The following HSF5 variants were observed in gnomAD, a reference collection of about 807,000 sequenced individuals.
The protein encoded by HSF5 is heat shock transcription factor 5, also known as heat shock factor protein 5.
Under a neutral mutation model 50.8 loss-of-function variants are expected in HSF5, and 5 were observed. The observed-to-expected ratio is 0.10, with a 90% CI of 0.05 to 0.21. The LOEUF (loss-of-function observed/expected upper bound fraction) is 0.21, where lower values mean the gene tolerates loss of function less well. Ranked by LOEUF, HSF5 falls within the 10% of genes least tolerant of loss-of-function variation. The probability of loss-of-function intolerance (pLI) is 1.00; values close to 1 mark genes in which losing one functional copy is unlikely to be tolerated. For missense variants in HSF5, 564 were observed against 762.6 expected, an observed-to-expected ratio of 0.74 and a Z score of 3.07; for synonymous variants, 307 against 307.4, an observed-to-expected ratio of 1.00 and a Z score of 0.02.
intron 5 of HSF5, among the ~76,000 whole-genome samples, chr17:58,424,627 A>G (rs1974269736): frequency 1.3e-5 from 2 of 151,206 alleles, no homozygotes; most frequent in South Asian, 4.2e-4. Flanking sequence ...AAAAAAAAAA[A>G]AGGAGGAAGA....
At chr17:58,424,529 T>C (rs1220497848) in intron 5 of HSF5, among the ~76,000 whole-genome samples, 2 of 151,726 alleles carry the variant, frequency 1.3e-5, no homozygotes, top group Non-Finnish European at 2.9e-5. Flanking sequence ...GGAGAATTGT[T>C]TGAACCCGGG....
At chr17:58,476,222 CTA>C (rs2143800144) in intron 2 of HSF5, 2 of 901,712 alleles carry the variant, frequency 2.2e-6, no homozygotes, top group South Asian at 1.4e-5. Context: ...TCAATATCTT[CTA>C]ATCCTTCCTT....
chr17:58,476,375 A>G, intron 2 of HSF5: 1 of 1,056,874 alleles, frequency 9.5e-7, no homozygotes. Flanking sequence ...TCAGTAAATC[A>G]GGTAAAGAAG....
intron 5 of HSF5, among the ~76,000 whole-genome samples, chr17:58,451,599 C>T (rs528966026): frequency 8.6e-5 from 13 of 151,856 alleles, no homozygotes; most frequent in South Asian, 2.1e-4. Context: ...AATGGATCTA[C>T]GAAGAAATTA....
chr17:58,441,156 C>G (rs551733267), intron 5 of HSF5, among the ~76,000 whole-genome samples: 1 of 152,220 alleles, frequency 6.6e-6, no homozygotes, highest in Non-Finnish European at 1.5e-5. Flanking sequence ...AAAATGTATT[C>G]TCTGACCACA....
At chr17:58,448,147 A>AAT (rs1974586255) in intron 5 of HSF5, among the ~76,000 whole-genome samples, 1 of 151,270 alleles carries the variant, frequency 6.6e-6, no homozygotes, top group Non-Finnish European at 1.5e-5. Flanking sequence ...AAAAAAAAAA[A>AAT]AAAAAAAGGT....
At chr17:58,486,553 A>G (rs1975183286) in intron 1 of HSF5, among the ~76,000 whole-genome samples, 1 of 152,236 alleles carries the variant, frequency 6.6e-6, no homozygotes, top group Non-Finnish European at 1.5e-5. Context: ...TGACAGCTGT[A>G]AAGAAAACCA....
chr17:58,478,635 G>A (rs1162890927), intron 2 of HSF5, among the ~76,000 whole-genome samples: 1 of 151,762 alleles, frequency 6.6e-6, no homozygotes, highest in East Asian at 1.9e-4. Context: ...CCCAAGGTGG[G>A]TGGATCACCT....
At chr17:58,427,941 A>T (rs1831182794) in intron 5 of HSF5, among the ~76,000 whole-genome samples, 1 of 152,256 alleles carries the variant, frequency 6.6e-6, no homozygotes, top group African/African-American at 2.4e-5. Context: ...GCAATTGATC[A>T]ATTCTGCTAT....
intron 5 of HSF5, among the ~76,000 whole-genome samples, chr17:58,449,834 T>A (rs1974609859): frequency 6.7e-6 from 1 of 149,272 alleles, no homozygotes; most frequent in Non-Finnish European, 1.5e-5. Context: ...CCATCCCGGC[T>A]AAAACGGTGA....
At chr17:58,425,882 A>C (rs1405401251) in intron 5 of HSF5, among the ~76,000 whole-genome samples, 1 of 152,104 alleles carries the variant, frequency 6.6e-6, no homozygotes, top group Non-Finnish European at 1.5e-5. Context: ...AAAATTACTG[A>C]TGCTTGGGGC....
At chr17:58,471,817 T>C (rs1974948008) in intron 2 of HSF5, among the ~76,000 whole-genome samples, 2 of 152,234 alleles carry the variant, frequency 1.3e-5, no homozygotes, top group Admixed American at 1.3e-4. Context: ...TATATTCTTA[T>C]AAATTCTGTT....
At position 58,438,029 on chromosome 17, in the gene HSF5, T is replaced by C. The variant is rs116566347; in HGVS notation, c.1721-15599A>G. Among the ~76,000 whole-genome samples, 814 of 152,218 alleles carry C rather than the reference T, an allele frequency of 5.3e-3. 9 individuals are homozygous for C. The highest frequency in any genetic ancestry group is 0.018 in the African/African-American group (750 of 41,526). On this transcript the variant is annotated intron_variant, in intron 5 of 5. Transcript: ENST00000323777. ...ACGAATTTACATTCCAATTACAGCA[T>C]AGAGAAGGTTCCTTTTCTCTATACC... is the stretch of plus-strand genomic sequence containing the variant.
At chr17:58,432,728 A>G (rs1974380574) in intron 5 of HSF5, among the ~76,000 whole-genome samples, 2 of 152,208 alleles carry the variant, frequency 1.3e-5, no homozygotes, top group Non-Finnish European at 2.9e-5. Context: ...AGATGGGAAA[A>G]TAATTACTGA....
At chr17:58,487,157 C>G (rs1413464931) in intron 1 of HSF5, among the ~76,000 whole-genome samples, 1 of 152,160 alleles carries the variant, frequency 6.6e-6, no homozygotes, top group African/African-American at 2.4e-5. Flanking sequence ...GCACCCGCCT[C>G]GGCCTCCCAA....
rs1555644443 is a variant in HSF5 at position 58,480,762 on chromosome 17, G to GTTATCTAT, written c.551-496_551-495insATAGATAA. Reference sequence around the variant, plus strand: ...GATAAAAAAAAAAGTAACGCTCTTTGCTATCTATCTATCTATCTATCTATC... The same window carrying GTTATCTAT: ...GATAAAAAAAAAAGTAACGCTCTTTGTTATCTATCTATCTATCTATCTATCTATCTATC... On this transcript the variant is annotated intron_variant, in intron 1 of 5. Transcript: ENST00000323777. Among the ~76,000 whole-genome samples, 3 of 146,486 alleles carry GTTATCTAT rather than the reference G, an allele frequency of 2.0e-5. No individual in the cohort carries two copies. The South Asian group carries it at 6.6e-4, about 32-fold the overall frequency.
At chr17:58,483,249 T>G (rs1598204366) in intron 1 of HSF5, among the ~76,000 whole-genome samples, 1 of 152,258 alleles carries the variant, frequency 6.6e-6, no homozygotes, top group Non-Finnish European at 1.5e-5. Flanking sequence ...GTTTTATATC[T>G]GTCTACTTCT....
intron 2 of HSF5, among the ~76,000 whole-genome samples, chr17:58,468,232 T>C (rs1473468133): frequency 6.6e-6 from 1 of 152,038 alleles, no homozygotes; most frequent in East Asian, 1.9e-4. Context: ...ACCCCGTCTC[T>C]ACAAAAAATA....
chr17:58,428,725 T>TA (rs564916444), intron 5 of HSF5, among the ~76,000 whole-genome samples: 140 of 152,178 alleles, frequency 9.2e-4, no homozygotes, highest in Non-Finnish European at 1.7e-3. Flanking sequence ...TAATAATTTT[T>TA]AAAAAAGGAA....
Sources: allele counts gnomAD v4.1 joint callset (sites outside exome capture counted in the v4.1 genomes callset), GRCh38; gene constraint gnomAD v4.1.1; transcripts MANE v1.5; gene names NCBI Gene and HGNC (gene_info 2026-07-23, HGNC 2026-07-21).